Variants in HPSE2 observed in about 807,000 individuals in gnomAD.
HPSE2 encodes heparanase 2 (inactive).
HPSE2 carries 38 observed loss-of-function variants against 60.5 expected under a neutral mutation model. The ratio of observed to expected loss-of-function variants is 0.63; its 90% confidence interval spans 0.48 to 0.82. The LOEUF (loss-of-function observed/expected upper bound fraction) is 0.82. Among genes scored for constraint, HPSE2 ranks in the 40% least tolerant of loss-of-function variants. The probability of loss-of-function intolerance (pLI) is 0.00; values close to 1 mark genes in which losing one functional copy is unlikely to be tolerated. For synonymous variants in HPSE2, 295 were observed against 293.2 expected (o/e 1.01, Z -0.06); for missense variants, 713 against 740.4 (o/e 0.96, Z 0.43).
intron 11 of HPSE2, among the ~76,000 whole-genome samples, chr10:98,462,272 G>A (rs934219070): frequency 1.2e-4 from 19 of 152,216 alleles, no homozygotes; most frequent in African/African-American, 4.6e-4. Context: ...TCTGCCTCCT[G>A]GGTTCAAATG....
intron 9 of HPSE2, among the ~76,000 whole-genome samples, chr10:98,543,127 C>T (rs1441932380): frequency 6.6e-6 from 1 of 152,202 alleles, no homozygotes; most frequent in African/African-American, 2.4e-5. Flanking sequence ...AACAGTGGAT[C>T]TCTTGGCAGA....
At chr10:98,508,961 ATTTAC>A (rs1253894260) in intron 9 of HPSE2, among the ~76,000 whole-genome samples, 1 of 152,208 alleles carries the variant, frequency 6.6e-6, no homozygotes, top group Non-Finnish European at 1.5e-5. Context: ...GCATTATTCA[ATTTAC>A]TTTTAGCAAG....
intron 9 of HPSE2, among the ~76,000 whole-genome samples, chr10:98,509,489 ATTCATAGCT>A (rs1942314156): frequency 6.6e-6 from 1 of 151,826 alleles, no homozygotes; most frequent in Non-Finnish European, 1.5e-5. Flanking sequence ...ATAAAACAGG[ATTCATAGCT>A]TTTTTTTTGC....
chr10:99,065,944 G>C (rs981844521), intron 3 of HPSE2, among the ~76,000 whole-genome samples: 19 of 142,276 alleles, frequency 1.3e-4, no homozygotes, highest in African/African-American at 4.7e-4. Context: ...AGGGATCATG[G>C]AAAACAACTG....
At chr10:98,769,896 C>A (rs957666727) in intron 3 of HPSE2, among the ~76,000 whole-genome samples, 1 of 152,142 alleles carries the variant, frequency 6.6e-6, no homozygotes, top group Non-Finnish European at 1.5e-5. Context: ...TGATCACATA[C>A]AAAAGCCACA....
At chr10:98,554,830 T>G (rs74156635) in intron 9 of HPSE2, among the ~76,000 whole-genome samples, 1,860 of 152,280 alleles carry the variant, frequency 0.012, 48 homozygotes, top group African/African-American at 0.042. Flanking sequence ...GCTTGGTCTC[T>G]TCATAGCTAA....
Position 98,936,910 on chromosome 10 carries a change from C to T in HPSE2, c.611-192854G>A, listed in dbSNP as rs1449939214. On this transcript the variant is annotated intron_variant, in intron 3 of 11. Coordinates refer to ENST00000370552, the MANE Select transcript of HPSE2 (RefSeq NM_021828.5). ...AGGAAAATCACTTAATCCCGGGAGGCGGAGGTTGCAGTGAGCTGAGACAGC... is the reference window on the plus strand; with the variant it reads ...AGGAAAATCACTTAATCCCGGGAGGTGGAGGTTGCAGTGAGCTGAGACAGC... Among the ~76,000 whole-genome samples, 12 of 110,652 alleles carry T rather than the reference C, an allele frequency of 1.1e-4. 2 individuals are homozygous for T. Among genetic ancestry groups the T allele is most frequent in the African/African-American group, 4.6e-4 (11 of 23,744 alleles). 72.6% of individuals were successfully genotyped at this position (110,652 alleles called of 152,430 possible).
intron 3 of HPSE2, chr10:99,013,361 G>A: frequency 1.7e-6 from 1 of 598,616 alleles, no homozygotes; most frequent in Non-Finnish European, 3.2e-6. Flanking sequence ...TGTCTGTACT[G>A]TTCACAGCAA....
intron 2 of HPSE2, among the ~76,000 whole-genome samples, chr10:99,209,418 C>T (rs757467687): frequency 6.6e-6 from 1 of 151,776 alleles, no homozygotes; most frequent in African/African-American, 2.4e-5. Context: ...AATTAAAAGG[C>T]AAATTTTAAA....
At chr10:98,665,252 A>T (rs545360191) in intron 6 of HPSE2, among the ~76,000 whole-genome samples, 16 of 152,206 alleles carry the variant, frequency 1.1e-4, no homozygotes, top group Non-Finnish European at 2.2e-4. Context: ...AAAAAAATTT[A>T]AATGAACAAA....
chr10:98,795,234 A>G (rs1391569917), intron 3 of HPSE2, among the ~76,000 whole-genome samples: 3 of 152,222 alleles, frequency 2.0e-5, no homozygotes, highest in African/African-American at 7.2e-5. Context: ...TAATCACACT[A>G]CCTGGTTTTA....
At chr10:98,578,545 T>C (rs569198145) in intron 9 of HPSE2, among the ~76,000 whole-genome samples, 3 of 152,186 alleles carry the variant, frequency 2.0e-5, no homozygotes, top group Non-Finnish European at 4.4e-5. Flanking sequence ...GGAACAAAAA[T>C]GTTCACTTGA....
At chr10:98,530,973 C>T (rs1003664985) in intron 9 of HPSE2, among the ~76,000 whole-genome samples, 1 of 152,156 alleles carries the variant, frequency 6.6e-6, no homozygotes, top group Non-Finnish European at 1.5e-5. Flanking sequence ...CTACTCCCCT[C>T]CCTGCCTGCC....
At chr10:98,987,779 A>G (rs1008326831) in intron 3 of HPSE2, among the ~76,000 whole-genome samples, 2 of 152,194 alleles carry the variant, frequency 1.3e-5, no homozygotes, top group Non-Finnish European at 2.9e-5. Context: ...TTAAGCTGAT[A>G]AGCCACTTCA....
intron 3 of HPSE2, among the ~76,000 whole-genome samples, chr10:98,902,490 AAT>A (rs1317512261): frequency 6.6e-6 from 1 of 152,132 alleles, no homozygotes; most frequent in Non-Finnish European, 1.5e-5. Flanking sequence ...TATGAATGAC[AAT>A]ATGAGTCAAA....
At chr10:99,259,016 T>C in the HPSE2 span, among the ~76,000 whole-genome samples, 18 of 152,290 alleles carry the variant, frequency 1.2e-4, no homozygotes, top group South Asian at 3.1e-3. Flanking sequence ...TAAAAGACTT[T>C]GTGAAAAATA....
At chr10:99,066,235 CA>C (rs1309261059) in intron 3 of HPSE2, among the ~76,000 whole-genome samples, 1 of 152,086 alleles carries the variant, frequency 6.6e-6, no homozygotes, top group Non-Finnish European at 1.5e-5. Flanking sequence ...TAAAAATAAT[CA>C]GCAATAAATT....
chr10:99,219,725 C>T (rs1014519632), intron 2 of HPSE2, among the ~76,000 whole-genome samples: 1 of 152,164 alleles, frequency 6.6e-6, no homozygotes, highest in African/African-American at 2.4e-5. Flanking sequence ...GATTACCGTA[C>T]TGTGAAAATC....
intron 3 of HPSE2, among the ~76,000 whole-genome samples, chr10:99,143,310 C>G (rs978860770): frequency 2.2e-4 from 33 of 152,018 alleles, no homozygotes; most frequent in African/African-American, 7.7e-4. Flanking sequence ...AATTTGGTTG[C>G]CACTCAGCAA....
Sources: gnomAD v4.1 joint callset for allele counts (sites outside exome capture counted in the v4.1 genomes callset) on GRCh38, gnomAD v4.1.1 for gene constraint, MANE v1.5 for transcripts, NCBI Gene and HGNC (gene_info 2026-07-23, HGNC 2026-07-21) for gene names.